OSBPL10: variants seen among roughly 807,000 people sequenced by gnomAD.
OSBPL10 encodes the protein oxysterol binding protein like 10, also known as oxysterol-binding protein-related protein 10.
A neutral mutation model predicts 81.7 loss-of-function variants in OSBPL10; 49 were observed. That is an observed-to-expected ratio of 0.60 (90% CI 0.48 to 0.76). The LOEUF is 0.76. Ranked by LOEUF, OSBPL10 falls within the 30% of genes least tolerant of loss-of-function variation. The pLI, the probability that OSBPL10 is intolerant of heterozygous loss-of-function variation, is 0.00. For missense variants in OSBPL10, 923 were observed against 987.8 expected (o/e 0.93, Z 0.88); for synonymous variants, 419 against 383.6 (o/e 1.09, Z -1.08).
intron 4 of OSBPL10, among the ~76,000 whole-genome samples, chr3:31,786,208 C>A (rs1211844669): frequency 1.3e-5 from 2 of 152,178 alleles, no homozygotes; most frequent in African/African-American, 4.8e-5. Flanking sequence ...ATTGGTCTCT[C>A]ATCTATGTGA....
At chr3:31,760,586 G>A (rs572406535) in intron 4 of OSBPL10, among the ~76,000 whole-genome samples, 2 of 152,274 alleles carry the variant, frequency 1.3e-5, no homozygotes, top group South Asian at 4.1e-4. Context: ...CAATATAGAT[G>A]CAATCATCCA....
At chr3:31,818,993 A>G (rs1699918732) in intron 4 of OSBPL10, among the ~76,000 whole-genome samples, 1 of 152,234 alleles carries the variant, frequency 6.6e-6, no homozygotes, top group African/African-American at 2.4e-5. Context: ...CAGGCAAAAT[A>G]CAGACTCCCA....
intron 6 of OSBPL10, among the ~76,000 whole-genome samples, 198 bp from the exon 7 acceptor site, chr3:31,702,706 C>T (rs1695937518): frequency 6.6e-6 from 1 of 152,216 alleles, no homozygotes; most frequent in South Asian, 2.1e-4. Context: ...ACTGCATATC[C>T]CCTTTCATCT....
At chr3:32,047,359 C>T (rs992587268) in intron 1 of OSBPL10, among the ~76,000 whole-genome samples, 1 of 152,006 alleles carries the variant, frequency 6.6e-6, no homozygotes, top group Non-Finnish European at 1.5e-5. Flanking sequence ...TGCTGGTTGG[C>T]TATTTTTATG....
At chr3:31,950,203 T>A (rs1697828535) in intron 1 of OSBPL10, among the ~76,000 whole-genome samples, 1 of 152,134 alleles carries the variant, frequency 6.6e-6, no homozygotes, top group Non-Finnish European at 1.5e-5. Flanking sequence ...AAGGAGATAT[T>A]TGCAACATAG....
intron 10 of OSBPL10, among the ~76,000 whole-genome samples, chr3:31,667,673 C>G (rs534128501): frequency 5.3e-5 from 8 of 152,338 alleles, no homozygotes; most frequent in South Asian, 4.1e-4. Context: ...AGAAAGTAAA[C>G]ATTTTAGGCT....
chr3:31,924,276 TGACTCTGGAGTGGAAAAGGAAAGG>T (rs1478449901), intron 1 of OSBPL10, among the ~76,000 whole-genome samples: 3 of 151,614 alleles, frequency 2.0e-5, no homozygotes, highest in Non-Finnish European at 4.4e-5. Flanking sequence ...CTTACGGCAT[TGACTCTGGAGTGGAAAAGGAAAGG>T]GACTCTGGAG....
rs138056063 is a variant in OSBPL10 at position 31,897,489 on chromosome 3, C to G, written c.282-17659G>C. On this transcript the variant is annotated intron_variant, in intron 1 of 11. Coordinates refer to ENST00000396556, the MANE Select transcript of OSBPL10 (RefSeq NM_017784.5). ...CGAAAATATCTAAAGAAACAAGGAC[C>G]AAGTATTCACCACAATTAAAGAAAG... Among the ~76,000 whole-genome samples the G allele has an allele frequency of 1.1e-3, 161 of 152,172 alleles. 1 individual carries two copies. The highest frequency in any genetic ancestry group is 3.7e-3 in the African/African-American group (152 of 41,504).
intron 3 of OSBPL10, among the ~76,000 whole-genome samples, chr3:31,836,266 T>A (rs1237765271): frequency 1.3e-5 from 2 of 152,200 alleles, no homozygotes; most frequent in Non-Finnish European, 2.9e-5. Context: ...ACTAACTTTA[T>A]ACCAATACCC....
chr3:31,713,014 G>A (rs564736187), intron 6 of OSBPL10, among the ~76,000 whole-genome samples: 2 of 152,296 alleles, frequency 1.3e-5, no homozygotes, highest in South Asian at 4.1e-4. Context: ...CAGCCACTCT[G>A]GCAAAGCCAC....
intron 2 of OSBPL10, among the ~76,000 whole-genome samples, chr3:32,014,340 A>G (rs1271918161): frequency 4.6e-5 from 7 of 152,362 alleles, no homozygotes; most frequent in African/African-American, 1.7e-4. Context: ...ACCAATGACA[A>G]AAAGTACATG....
intron 1 of OSBPL10, among the ~76,000 whole-genome samples, chr3:32,072,610 T>A (rs900962134): frequency 2.6e-5 from 4 of 152,158 alleles, no homozygotes; most frequent in African/African-American, 9.7e-5. Flanking sequence ...TGAAAATCTA[T>A]CCTTAAGGAA....
At chr3:31,867,190 T>TG (rs1701200323) in intron 3 of OSBPL10, among the ~76,000 whole-genome samples, 1 of 152,052 alleles carries the variant, frequency 6.6e-6, no homozygotes, top group African/African-American at 2.4e-5. Flanking sequence ...CAGGGTCAAG[T>TG]GGAGGAGATG....
At chr3:31,940,972 C>T (rs1189025415) in intron 1 of OSBPL10, among the ~76,000 whole-genome samples, 1 of 152,114 alleles carries the variant, frequency 6.6e-6, no homozygotes, top group Non-Finnish European at 1.5e-5. Flanking sequence ...TGTGCTTAAC[C>T]ATTTCCCTCC....
At chr3:31,822,374 C>T (rs1263958536) in intron 4 of OSBPL10, 1 of 152,194 alleles carries the variant, frequency 6.6e-6, no homozygotes, top group Non-Finnish European at 1.5e-5. Flanking sequence ...AACAGCACCA[C>T]CTTTTCCCTC....
intron 1 of OSBPL10, among the ~76,000 whole-genome samples, chr3:31,890,743 T>C (rs1258849811): frequency 6.6e-6 from 1 of 152,184 alleles, no homozygotes. Context: ...CTCATTTCCC[T>C]CTGAACTATT....
At chr3:31,949,713 C>T (rs1697815277) in intron 1 of OSBPL10, among the ~76,000 whole-genome samples, 1 of 141,482 alleles carries the variant, frequency 7.1e-6, no homozygotes, top group South Asian at 2.3e-4. Flanking sequence ...ATACTGGGTT[C>T]CTACCTCACA....
intron 4 of OSBPL10, among the ~76,000 whole-genome samples, chr3:31,826,525 C>T (rs985804105): frequency 2.0e-5 from 3 of 152,274 alleles, no homozygotes; most frequent in East Asian, 3.9e-4. Context: ...ACTGTTTATT[C>T]TATTGCCTTT....
At chr3:31,837,944 G>A (rs1700401001) in intron 3 of OSBPL10, among the ~76,000 whole-genome samples, 1 of 152,086 alleles carries the variant, frequency 6.6e-6, no homozygotes, top group Admixed American at 6.6e-5. Flanking sequence ...TTGTAAAGAT[G>A]TCAGTTCTCT....
Sources: allele counts gnomAD v4.1 joint callset (sites outside exome capture counted in the v4.1 genomes callset), GRCh38; gene constraint gnomAD v4.1.1; transcripts MANE v1.5; gene names NCBI Gene and HGNC (gene_info 2026-07-23, HGNC 2026-07-21).